The following SNTG1 variants were observed in gnomAD, a reference collection of about 807,000 sequenced individuals.
SNTG1 encodes the protein gamma-1-syntrophin.
Under a neutral mutation model 74.7 loss-of-function variants are expected in SNTG1, and 39 were observed. The observed-to-expected ratio is 0.52, with a 90% confidence interval of 0.40 to 0.68. The LOEUF is 0.68. Among genes scored for constraint, SNTG1 ranks in the 30% least tolerant of loss-of-function variants. The pLI is 0.00. For synonymous variants in SNTG1, 254 were observed against 217.1 expected (o/e 1.17, Z -1.49); for missense variants, 685 against 609.5 (o/e 1.12, Z -1.30).
At chr8:50,713,760 T>C (rs1398222909) in intron 17 of SNTG1, among the ~76,000 whole-genome samples, 2 of 152,150 alleles carry the variant, frequency 1.3e-5, no homozygotes, top group Non-Finnish European at 2.9e-5. Context: ...CAGCACCATA[T>C]ATTAAATAGG....
At chr8:49,985,862 T>C (rs1430775532) in intron 1 of SNTG1, among the ~76,000 whole-genome samples, 1 of 152,192 alleles carries the variant, frequency 6.6e-6, no homozygotes. Context: ...TGATCTCTAT[T>C]TGACTTAGTA....
chr8:49,955,082 G>A (rs1043693185), intron 1 of SNTG1, among the ~76,000 whole-genome samples: 1 of 152,002 alleles, frequency 6.6e-6, no homozygotes, highest in African/African-American at 2.4e-5. Context: ...GTTTATAAAA[G>A]GTTCATAATT....
At chr8:50,496,880 G>A (rs1242840934) in intron 8 of SNTG1, among the ~76,000 whole-genome samples, 1 of 151,564 alleles carries the variant, frequency 6.6e-6, no homozygotes, top group Admixed American at 6.6e-5. Flanking sequence ...TTATTTGGCA[G>A]GAATAATTCG....
chr8:50,392,178 C>A (rs989384812), intron 2 of SNTG1, among the ~76,000 whole-genome samples: 1 of 152,082 alleles, frequency 6.6e-6, no homozygotes, highest in Non-Finnish European at 1.5e-5. Flanking sequence ...ATATAAGATG[C>A]TAACAGTAGA....
intron 1 of SNTG1, among the ~76,000 whole-genome samples, chr8:50,024,372 G>A (rs1585940681): frequency 1.3e-5 from 2 of 152,090 alleles, no homozygotes; most frequent in Admixed American, 6.6e-5. Context: ...AGAGCAAGAC[G>A]GCATTAGTCA....
At chr8:50,758,834 A>G (rs980766549) in intron 18 of SNTG1, among the ~76,000 whole-genome samples, 2 of 152,108 alleles carry the variant, frequency 1.3e-5, no homozygotes, top group African/African-American at 4.8e-5. Flanking sequence ...TTGGGTATAT[A>G]CTCAATAATG....
intron 13 of SNTG1, among the ~76,000 whole-genome samples, chr8:50,608,153 A>G (rs2094826124): frequency 2.6e-5 from 4 of 151,722 alleles, no homozygotes. Flanking sequence ...ATTTTTATAA[A>G]ACATGGATAT....
chr8:50,539,590 T>C (rs1563544611), intron 11 of SNTG1, among the ~76,000 whole-genome samples: 1 of 152,166 alleles, frequency 6.6e-6, no homozygotes, highest in African/African-American at 2.4e-5. Flanking sequence ...ACTCAGCTCC[T>C]TGCTGGGCCA....
intron 2 of SNTG1, among the ~76,000 whole-genome samples, chr8:50,239,469 A>C (rs550161919): frequency 6.6e-6 from 1 of 152,314 alleles, no homozygotes; most frequent in African/African-American, 2.4e-5. Flanking sequence ...ACTACCATTT[A>C]TAAAACCATC....
At chr8:50,628,749 A>G (rs985896274) in intron 13 of SNTG1, among the ~76,000 whole-genome samples, 10 of 151,958 alleles carry the variant, frequency 6.6e-5, no homozygotes, top group East Asian at 5.8e-4. Flanking sequence ...GTAAATCAAA[A>G]TATATGTTTA....
At chr8:50,258,491 T>G (rs998392079) in intron 2 of SNTG1, among the ~76,000 whole-genome samples, 6 of 152,152 alleles carry the variant, frequency 3.9e-5, no homozygotes, top group African/African-American at 1.4e-4. Flanking sequence ...TTCAAAGCAA[T>G]TATTGTAAAA....
At chr8:50,013,464 GAGATAGAT>G (rs56718258) in intron 1 of SNTG1, among the ~76,000 whole-genome samples, 2,188 of 148,510 alleles carry the variant, frequency 0.015, 31 homozygotes, top group African/African-American at 0.028. Context: ...TGGGGATAGA[GAGATAGAT>G]AGATAGATAG....
At chr8:50,670,620 A>C (rs2095276137) in intron 15 of SNTG1, among the ~76,000 whole-genome samples, 1 of 142,914 alleles carries the variant, frequency 7.0e-6, no homozygotes, top group Non-Finnish European at 1.5e-5. Context: ...ATACTGCCCA[A>C]GGTAATTTAT....
chr8:50,664,512 G>A (rs2095241141), intron 15 of SNTG1, among the ~76,000 whole-genome samples: 1 of 152,052 alleles, frequency 6.6e-6, no homozygotes, highest in African/African-American at 2.4e-5. Context: ...TTTTTGGGGG[G>A]CTGTGTATTC....
At chr8:50,533,639 A>C (rs1428951803) in intron 10 of SNTG1, among the ~76,000 whole-genome samples, 1 of 152,194 alleles carries the variant, frequency 6.6e-6, no homozygotes, top group African/African-American at 2.4e-5. Context: ...TAAGGAGAAA[A>C]ATTCTTTAAA....
intron 1 of SNTG1, among the ~76,000 whole-genome samples, chr8:50,011,608 C>A (rs1247543793): frequency 7.2e-6 from 1 of 139,288 alleles, no homozygotes; most frequent in Non-Finnish European, 1.6e-5. Context: ...TTCCAGGTCA[C>A]TATCCCAAGG....
At chr8:50,246,159 A>G (rs1402347563) in intron 2 of SNTG1, among the ~76,000 whole-genome samples, 1 of 151,194 alleles carries the variant, frequency 6.6e-6, no homozygotes, top group East Asian at 1.9e-4. Flanking sequence ...GGGTAAGTAG[A>G]TATTGTCTGA....
intron 2 of SNTG1, among the ~76,000 whole-genome samples, chr8:50,356,041 G>A (rs570342657): frequency 6.6e-6 from 1 of 151,792 alleles, no homozygotes; most frequent in Admixed American, 6.6e-5. Flanking sequence ...TCCTTTTTTT[G>A]TTTGTTTTTG....
Position 50,795,710 on chromosome 8 carries a change from T to C in SNTG1, c.*2881T>C, listed in dbSNP as rs774902942. 4 of 152,112 alleles carry C rather than the reference T, an allele frequency of 2.6e-5. No homozygotes were observed. The highest frequency in any genetic ancestry group is 4.4e-5 in the Non-Finnish European group (3 of 67,982). The allele number at this position is 152,112 out of a possible 1,614,324, so 9.4% of individuals were successfully genotyped here. ...AAGTCATTTGAAAACTGCTAACTAC[T>C]ATAATAATGTCTTTTGCCTGATAAA... is the stretch of plus-strand genomic sequence containing the variant. On this transcript the variant is annotated 3_prime_UTR_variant, in exon 19 of 19. Transcript: ENST00000642720.
Sources: allele counts gnomAD v4.1 joint callset (sites outside exome capture counted in the v4.1 genomes callset), GRCh38; gene constraint gnomAD v4.1.1; transcripts MANE v1.5; gene names NCBI Gene and HGNC (gene_info 2026-07-23, HGNC 2026-07-21).